BMAL2: variants seen among roughly 807,000 people sequenced by gnomAD.
The protein encoded by BMAL2 is basic helix-loop-helix ARNT-like protein 2.
At chr12:27,342,805 AG>A in the BMAL2 span, among the ~76,000 whole-genome samples, 1 of 152,268 alleles carries the variant, frequency 6.6e-6, no homozygotes, top group South Asian at 2.1e-4. Context: ...GACCTAGAAA[AG>A]AGAGACTAAA....
the BMAL2 span, chr12:27,400,540 G>C: frequency 6.4e-7 from 1 of 1,564,466 alleles, no homozygotes; most frequent in Non-Finnish European, 8.6e-7. Flanking sequence ...TTAGAGCACA[G>C]AAAATTCTAT....
the BMAL2 span, among the ~76,000 whole-genome samples, chr12:27,343,604 C>T: frequency 6.6e-5 from 10 of 152,140 alleles, no homozygotes; most frequent in Admixed American, 1.3e-4. Flanking sequence ...AATCTAAATA[C>T]GTTTTTGTGC....
the BMAL2 span, among the ~76,000 whole-genome samples, chr12:27,345,077 A>G: frequency 6.6e-6 from 1 of 151,930 alleles, no homozygotes; most frequent in Non-Finnish European, 1.5e-5. Context: ...ATTCATCCCC[A>G]TTTTTTTCTC....
chr12:27,341,643 A>T, the BMAL2 span, among the ~76,000 whole-genome samples: 1 of 152,146 alleles, frequency 6.6e-6, no homozygotes, highest in Non-Finnish European at 1.5e-5. Context: ...CGGCATAATG[A>T]CCTATGTTGT....
At chr12:27,405,645 G>A in the BMAL2 span, among the ~76,000 whole-genome samples, 12 of 152,100 alleles carry the variant, frequency 7.9e-5, no homozygotes, top group Non-Finnish European at 1.5e-4. Context: ...ACAAAGATGG[G>A]GAAAAAACAG....
the BMAL2 span, among the ~76,000 whole-genome samples, chr12:27,346,849 C>T: frequency 2.0e-5 from 3 of 152,158 alleles, no homozygotes; most frequent in African/African-American, 7.2e-5. Context: ...GTATTTGGGT[C>T]ATGGGGTGGA....
the BMAL2 span, among the ~76,000 whole-genome samples, chr12:27,412,134 C>T: frequency 0.012 from 1,803 of 152,292 alleles, 12 homozygotes; most frequent in Non-Finnish European, 0.018. Flanking sequence ...GTGTTCTTGG[C>T]ACCCTTAGTG....
chr12:27,418,116 G>C, the BMAL2 span: 2 of 1,612,884 alleles, frequency 1.2e-6, no homozygotes, highest in African/African-American at 2.7e-5. Flanking sequence ...TTTCCACCAA[G>C]TCCTTCTGAA....
At chr12:27,368,507 A>T in the BMAL2 span, 1 of 1,448,924 alleles carries the variant, frequency 6.9e-7, no homozygotes, top group South Asian at 1.3e-5. Context: ...TTCCAAGTTC[A>T]TGGTAACATT....
At chr12:27,368,386 C>T in the BMAL2 span, 6 of 1,614,058 alleles carry the variant, frequency 3.7e-6, no homozygotes, top group Non-Finnish European at 5.1e-6. Flanking sequence ...CACGAAAACG[C>T]AAAGGAAGTG....
chr12:27,351,403 G>T, the BMAL2 span, among the ~76,000 whole-genome samples: 1 of 152,142 alleles, frequency 6.6e-6, no homozygotes, highest in South Asian at 2.1e-4. Context: ...CTGATGCTTT[G>T]ATATCTGGGG....
chr12:27,391,312 A>C, the BMAL2 span, among the ~76,000 whole-genome samples: 1 of 152,130 alleles, frequency 6.6e-6, no homozygotes, highest in East Asian at 1.9e-4. Flanking sequence ...CTGTTCTTGC[A>C]TCAATTCACT....
chr12:27,343,455 C>T, the BMAL2 span, among the ~76,000 whole-genome samples: 1 of 152,200 alleles, frequency 6.6e-6, no homozygotes, highest in African/African-American at 2.4e-5. Context: ...TAGAATTTGG[C>T]ATATCCAACA....
chr12:27,341,594 C>T, the BMAL2 span, among the ~76,000 whole-genome samples: 4 of 152,180 alleles, frequency 2.6e-5, no homozygotes, highest in African/African-American at 9.7e-5. Context: ...TCCGTGACAG[C>T]CTATTGGGAA....
chr12:27,395,737 GA>G, the BMAL2 span, among the ~76,000 whole-genome samples: 2 of 152,220 alleles, frequency 1.3e-5, no homozygotes, highest in Non-Finnish European at 2.9e-5. Flanking sequence ...GATATTTCAA[GA>G]ATATCTGGCA....
the BMAL2 span, chr12:27,385,702 A>T: frequency 1.7e-6 from 1 of 581,886 alleles, no homozygotes. Context: ...TAGAAGTTTA[A>T]AATAGAGAAG....
the BMAL2 span, among the ~76,000 whole-genome samples, chr12:27,352,738 G>A: frequency 5.9e-5 from 9 of 152,164 alleles, no homozygotes; most frequent in African/African-American, 1.9e-4. Flanking sequence ...AATAACTTCA[G>A]TAAAGTTTCA....
the BMAL2 span, among the ~76,000 whole-genome samples, chr12:27,413,798 G>GA: frequency 3.3e-3 from 500 of 152,308 alleles, 5 homozygotes; most frequent in African/African-American, 0.011. Flanking sequence ...TGAAGGGATG[G>GA]AAAAAGATAT....
the BMAL2 span, among the ~76,000 whole-genome samples, chr12:27,349,657 C>A: frequency 6.6e-6 from 1 of 152,160 alleles, no homozygotes; most frequent in African/African-American, 2.4e-5. Flanking sequence ...TCAACTCAGG[C>A]AAGTAATTAA....
Sources: allele counts gnomAD v4.1 joint callset (sites outside exome capture counted in the v4.1 genomes callset), GRCh38; gene constraint gnomAD v4.1.1; transcripts MANE v1.5; gene names NCBI Gene and HGNC (gene_info 2026-07-23, HGNC 2026-07-21).